Variants in CARNMT1 observed in about 807,000 individuals in gnomAD.
CARNMT1 encodes the protein protein-L-histidine N-pros-methyltransferase CARNMT1.
A neutral mutation model predicts 49.6 loss-of-function variants in CARNMT1; 28 were observed. The observed-to-expected ratio is 0.56, with a 90% confidence interval of 0.42 to 0.77. The LOEUF (loss-of-function observed/expected upper bound fraction) is 0.77, where lower values mean the gene tolerates loss of function less well. Ranked by LOEUF, CARNMT1 falls within the 30% of genes least tolerant of loss-of-function variation. CARNMT1 has a pLI of 0.00. For synonymous variants in CARNMT1, 178 were observed against 175.0 expected (o/e 1.02, Z -0.13); for missense variants, 421 against 512.6 (o/e 0.82, Z 1.73).
chr9:75,002,298 T>C (rs1255115758), intron 3 of CARNMT1, among the ~76,000 whole-genome samples: 1 of 152,168 alleles, frequency 6.6e-6, no homozygotes, highest in Non-Finnish European at 1.5e-5. Flanking sequence ...ATTTTAAAAC[T>C]CCAACACAAA....
intron 3 of CARNMT1, among the ~76,000 whole-genome samples, chr9:75,012,512 C>A (rs1833723589): frequency 6.6e-6 from 1 of 152,062 alleles, no homozygotes. Flanking sequence ...ATCTCGAACT[C>A]TTGACCTCAA....
At position 74,983,060 on chromosome 9, in the gene CARNMT1, A is replaced by G. The variant is rs1739408780; in HGVS notation, c.*707T>C. ...AAGTTCATCTGAGCCAGAAAATACAAAATTAAATTAATCTGAATGATAAAA... is the reference window on the plus strand; with the variant it reads ...AAGTTCATCTGAGCCAGAAAATACAGAATTAAATTAATCTGAATGATAAAA... On this transcript the variant is annotated 3_prime_UTR_variant, in exon 8 of 8. Transcript: ENST00000376834. 1 of 152,164 alleles carries G rather than the reference A, an allele frequency of 6.6e-6. No homozygotes were observed. The highest frequency in any genetic ancestry group is 1.5e-5 in the Non-Finnish European group (1 of 68,032). The allele number at this position is 152,164 out of a possible 1,614,324, so 9.4% of individuals were successfully genotyped here. A position where few individuals can be genotyped will look rare whatever the true frequency, so the allele number is the denominator to read the frequency against.
intron 1 of CARNMT1, chr9:75,026,958 G>A (rs1283192725): frequency 4.7e-6 from 3 of 632,414 alleles, no homozygotes; most frequent in Non-Finnish European, 7.6e-6. Flanking sequence ...AGCAAAGCAA[G>A]AGATTTATAA....
intron 1 of CARNMT1, chr9:75,027,142 T>G: frequency 7.7e-7 from 1 of 1,302,332 alleles, no homozygotes; most frequent in Non-Finnish European, 1.0e-6. Flanking sequence ...AATAAAAGTG[T>G]TATCTTCACC....
At chr9:75,014,402 G>A (rs1295591121) in intron 3 of CARNMT1, among the ~76,000 whole-genome samples, 2 of 152,162 alleles carry the variant, frequency 1.3e-5, no homozygotes, top group African/African-American at 4.8e-5. Context: ...CTATAGAGTT[G>A]GGACTGGAAT....
At chr9:75,010,660 GAC>G (rs1339301870) in intron 3 of CARNMT1, among the ~76,000 whole-genome samples, 5 of 152,120 alleles carry the variant, frequency 3.3e-5, no homozygotes. Context: ...AATGTGAAGA[GAC>G]ATAGCAAAGA....
chr9:74,985,080 C>T (rs113481727), intron 6 of CARNMT1, 70 bp from the exon 7 acceptor site: 38 of 1,160,278 alleles, frequency 3.3e-5, no homozygotes, highest in Middle Eastern at 2.5e-4. Context: ...CACTGAATTC[C>T]AAGTTGAGTA....
chr9:74,984,841 G>A (rs1832783480), intron 7 of CARNMT1, 66 bp downstream of exon 7: 1 of 987,760 alleles, frequency 1.0e-6, no homozygotes, highest in Non-Finnish European at 1.6e-6. Flanking sequence ...TAACAGCCAT[G>A]ATATCAACAC....
Position 74,996,569 on chromosome 9 carries a change from G to A in CARNMT1, c.911-9C>T. On this transcript the variant is annotated splice_polypyrimidine_tract_variant and intron_variant, in intron 5 of 7. Transcript: ENST00000376834. ...AATACAGTCCCAGGTATCTAATGAAGAAAAATCAAATTACTGCATCTGTTA... is the reference window on the plus strand; with the variant it reads ...AATACAGTCCCAGGTATCTAATGAAAAAAAATCAAATTACTGCATCTGTTA... 6.7e-7 allele frequency: 1 copy of A among 1,483,726 alleles called. No homozygotes were observed. The highest frequency in any genetic ancestry group is 1.2e-5 in the South Asian group (1 of 80,882). The allele number at this position is 1,483,726 out of a possible 1,614,324, so 91.9% of individuals were successfully genotyped here. A position where few individuals can be genotyped will look rare whatever the true frequency, so the allele number is the denominator to read the frequency against.
intron 2 of CARNMT1, 112 bp from the exon 3 acceptor site, chr9:75,016,543 A>G (rs2118856053): frequency 1.0e-6 from 1 of 956,110 alleles, no homozygotes; most frequent in South Asian, 1.7e-5. Flanking sequence ...ATAAATCACT[A>G]GCCTCTCACC....
chr9:75,023,135 CAAA>C (rs1028060302), intron 1 of CARNMT1, among the ~76,000 whole-genome samples: 5 of 65,384 alleles, frequency 7.6e-5, no homozygotes, highest in Admixed American at 3.6e-4. Context: ...GAGCAAGACT[CAAA>C]AAAAAAAAAA....
chr9:75,003,232 C>A (rs1833412545), intron 3 of CARNMT1, among the ~76,000 whole-genome samples: 1 of 152,214 alleles, frequency 6.6e-6, no homozygotes, highest in Non-Finnish European at 1.5e-5. Context: ...ATTATCACTT[C>A]ATCTATATTT....
intron 3 of CARNMT1, chr9:75,009,843 CTTATTG>C (rs1264851361): frequency 3.9e-5 from 6 of 152,072 alleles, no homozygotes; most frequent in Admixed American, 1.3e-4. Flanking sequence ...AAATGTGGAA[CTTATTG>C]TTATAAGGAA....
In CARNMT1 at chr9:74,999,762, A is replaced by T. The variant is rs778301176; in HGVS notation, c.699T>A (p.Phe233Leu). Reference protein sequence around the residue: ...YACQGNEWSFFMLFSSNFVLN... With the variant: ...YACQGNEWSFLMLFSSNFVLN... ...GTACAAAGTTGGAAGAAAAGAGCAT[A>T]AAAAAACTCCATTCATTTCCTTGAC... The change falls in exon 4 of 8, where the codon TTT becomes TTA. Residue 233 changes from phenylalanine (F) to leucine (L), a missense_variant. Transcript: ENST00000376834. 3.7e-6 allele frequency: 6 copies of T among 1,612,280 alleles called. No homozygotes were observed. The highest frequency in any genetic ancestry group is 4.2e-6 in the Non-Finnish European group (5 of 1,179,100).
At position 74,983,712 on chromosome 9, in the gene CARNMT1, G is replaced by A; in HGVS notation, c.*55C>T. 1.9e-6 allele frequency: 2 copies of A among 1,048,722 alleles called. No homozygotes were observed. Among genetic ancestry groups the A allele is most frequent in the Non-Finnish European group, 2.9e-6 (2 of 698,822 alleles). The allele number at this position is 1,048,722 out of a possible 1,614,324, so 65.0% of individuals were successfully genotyped here. ...CACTGATAGTTGATTTTGAGTCGTTGATTTCAGCATTTGTTCTTACTAAAC... is the reference window on the plus strand; with the variant it reads ...CACTGATAGTTGATTTTGAGTCGTTAATTTCAGCATTTGTTCTTACTAAAC... On this transcript the variant is annotated 3_prime_UTR_variant, in exon 8 of 8. Transcript: ENST00000376834.
intron 3 of CARNMT1, among the ~76,000 whole-genome samples, chr9:75,001,647 T>C (rs764418553): frequency 6.6e-6 from 1 of 152,156 alleles, no homozygotes; most frequent in East Asian, 1.9e-4. Flanking sequence ...ATGCAATGAA[T>C]GGGTAAGATG....
At chr9:75,023,088 G>A (rs1822421705) in intron 1 of CARNMT1, among the ~76,000 whole-genome samples, 1 of 148,590 alleles carries the variant, frequency 6.7e-6, no homozygotes, top group African/African-American at 2.5e-5. Flanking sequence ...GTTGCAGTGA[G>A]TTGAGATTGT....
chr9:74,996,590 T>G, intron 5 of CARNMT1, 30 bp from the exon 6 acceptor site: 2 of 1,261,006 alleles, frequency 1.6e-6, no homozygotes, highest in East Asian at 4.7e-5. Flanking sequence ...TTACTGCATC[T>G]GTTATGTTAT....
chr9:74,999,281 G>A (rs1189473538), intron 4 of CARNMT1, among the ~76,000 whole-genome samples: 1 of 152,142 alleles, frequency 6.6e-6, no homozygotes, highest in Non-Finnish European at 1.5e-5. Context: ...GGCCACAGAA[G>A]TTCTGAGAGA....
Sources: allele counts gnomAD v4.1 joint callset (sites outside exome capture counted in the v4.1 genomes callset), GRCh38; gene constraint gnomAD v4.1.1; transcripts MANE v1.5; gene names NCBI Gene and HGNC (gene_info 2026-07-23, HGNC 2026-07-21).